Variants in SYCE1 observed in about 807,000 individuals in gnomAD.
The protein encoded by SYCE1 is cancer/testis antigen 76.
SYCE1 carries 37 observed loss-of-function variants against 55.1 expected under a neutral mutation model. The ratio of observed to expected loss-of-function variants is 0.67; its 90% CI spans 0.52 to 0.88. SYCE1 has a LOEUF of 0.88. SYCE1 is among the 40% of genes least tolerant of loss of function. The probability of loss-of-function intolerance (pLI) is 0.00; values close to 1 mark genes in which losing one functional copy is unlikely to be tolerated. For synonymous variants in SYCE1, 163 were observed against 159.4 expected, an observed-to-expected ratio of 1.02 and a Z score of -0.17; for missense variants, 399 against 416.4, an observed-to-expected ratio of 0.96 and a Z score of 0.36.
chr10:133,564,345 C>A (rs1438593723), intron 1 of SYCE1: 1 of 966,852 alleles, frequency 1.0e-6, no homozygotes, highest in Non-Finnish European at 1.2e-6. Flanking sequence ...AGAAATAAGG[C>A]ATTTCTGTTG....
upstream of SYCE1, among the ~76,000 whole-genome samples, chr10:133,566,804 C>T (rs1014980150): frequency 2.1e-5 from 3 of 142,896 alleles, no homozygotes; most frequent in African/African-American, 8.0e-5. Flanking sequence ...TTAGGGTTAG[C>T]ATTAGGAGTT....
upstream of SYCE1, among the ~76,000 whole-genome samples, chr10:133,567,553 G>A (rs1355813842): frequency 6.6e-6 from 1 of 152,002 alleles, no homozygotes; most frequent in African/African-American, 2.4e-5. Context: ...CAGGTGGTTA[G>A]CACCTAACGT....
intron 1 of SYCE1, 79 bp downstream of exon 1, chr10:133,565,378 G>T: frequency 1.5e-6 from 2 of 1,306,056 alleles, no homozygotes; most frequent in Non-Finnish European, 2.0e-6. Flanking sequence ...GGAAGAAGCA[G>T]CCGCCACCCG....
chr10:133,560,409 A>G, intron 1 of SYCE1: 1 of 302,932 alleles, frequency 3.3e-6, no homozygotes. Context: ...GGCTGTTCAA[A>G]GTAAGATCAA....
chr10:133,556,253 G>A (rs551840065), intron 8 of SYCE1: 15 of 610,068 alleles, frequency 2.5e-5, no homozygotes, highest in South Asian at 1.8e-4. Flanking sequence ...ACATCTCTGC[G>A]GTACTGCAGT....
At chr10:133,562,265 G>A (rs12218229) in intron 1 of SYCE1, among the ~76,000 whole-genome samples, 84 of 1,180 alleles carry the variant, frequency 0.071, 2 homozygotes, top group East Asian at 0.28. Context: ...CATCCAATGT[G>A]TGTGTGTGTG....
Position 133,559,366 on chromosome 10 carries a change from C to G in SYCE1, c.137-6G>C, listed in dbSNP as rs11101825. ...TCGGGGCTCTAGGCTTCCCACTGCA[C>G]GGAGGAAAGGAGGTTGAGTTGACAG... is the stretch of plus-strand genomic sequence containing the variant. On this transcript the variant is annotated splice_polypyrimidine_tract_variant and splice_region_variant and intron_variant, in intron 2 of 12. Transcript: ENST00000343131. The G allele has an allele frequency of 0.11, 175,487 of 1,613,004 alleles. 11,045 individuals carry two copies. Among genetic ancestry groups the G allele is most frequent in the East Asian group, 0.27 (11,887 of 44,806 alleles).
intron 4 of SYCE1, 91 bp from the exon 5 acceptor site, chr10:133,558,305 C>T: frequency 2.1e-6 from 3 of 1,447,918 alleles, no homozygotes; most frequent in Non-Finnish European, 2.9e-6. Flanking sequence ...AAGCTGGGCA[C>T]AGCCTTGGCC....
intron 6 of SYCE1, 133 bp downstream of exon 6, chr10:133,557,731 G>C: frequency 5.0e-6 from 5 of 1,005,844 alleles, no homozygotes; most frequent in Non-Finnish European, 7.5e-6. Context: ...GAAGGGGAAA[G>C]ACATTCTTTG....
At chr10:133,561,863 T>C (rs2133626722) in intron 1 of SYCE1, among the ~76,000 whole-genome samples, 1 of 152,256 alleles carries the variant, frequency 6.6e-6, no homozygotes, top group African/African-American at 2.4e-5. Flanking sequence ...TTCCAAATTA[T>C]GTGGAACAAG....
intron 8 of SYCE1, 103 bp downstream of exon 8, chr10:133,556,656 G>C: frequency 8.2e-7 from 1 of 1,219,574 alleles, no homozygotes; most frequent in South Asian, 1.3e-5. Context: ...ACCAGGGCTT[G>C]CTTGGCGACT....
At chr10:133,558,530 G>A in intron 4 of SYCE1, 1 of 534,586 alleles carries the variant, frequency 1.9e-6, no homozygotes, top group Admixed American at 3.2e-5. Flanking sequence ...TGGGGCATGT[G>A]ACCAGATGGA....
chr10:133,561,104 C>T (rs1021743486), intron 1 of SYCE1: 4 of 152,168 alleles, frequency 2.6e-5, no homozygotes, highest in African/African-American at 4.8e-5. Context: ...AAGCATAAAA[C>T]CAACCTGTGC....
At chr10:133,558,827 G>A (rs368450090) in intron 4 of SYCE1, 50 bp downstream of exon 4, 15 of 1,578,118 alleles carry the variant, frequency 9.5e-6, no homozygotes, top group African/African-American at 1.4e-5. Context: ...CAGGGTTAGG[G>A]GAGGCTTAAG....
chr10:133,558,768 G>A, intron 4 of SYCE1, 109 bp downstream of exon 4: 3 of 1,054,510 alleles, frequency 2.8e-6, no homozygotes, highest in South Asian at 1.4e-5. Context: ...TGAGGCTAGA[G>A]AGGGTACAGG....
At chr10:133,566,068 C>T (rs1040975079), upstream of SYCE1, among the ~76,000 whole-genome samples, 2 of 152,246 alleles carry the variant, frequency 1.3e-5, no homozygotes, top group African/African-American at 4.8e-5. Flanking sequence ...CGTAGCCTGC[C>T]CCTAGGCCGC....
At position 133,557,326 on chromosome 10, in the gene SYCE1, T is replaced by C. The variant is rs141965083; in HGVS notation, c.375-170A>G. On this transcript the variant is annotated intron_variant, in intron 6 of 12. Coordinates refer to ENST00000343131, the MANE Select transcript of SYCE1 (RefSeq NM_001143764.3). ...CATGACCATTTGCCCCCTGGAAGTA[T>C]TGTTGTCAGGTTAAGAGAGATTAAT... is the stretch of plus-strand genomic sequence containing the variant. 25 of 641,830 alleles carry C rather than the reference T, an allele frequency of 3.9e-5. 1 individual carries two copies. Among genetic ancestry groups the C allele is most frequent in the South Asian group, 2.6e-4 (14 of 54,184 alleles). 39.8% of individuals were successfully genotyped at this position (641,830 alleles called of 1,614,324 possible).
chr10:133,559,651 G>A, intron 2 of SYCE1: 1 of 452,898 alleles, frequency 2.2e-6, no homozygotes, highest in Non-Finnish European at 4.0e-6. Context: ...AGGGACCTGA[G>A]GGCCCCAAAT....
upstream of SYCE1, chr10:133,567,792 A>G: frequency 2.9e-6 from 1 of 344,720 alleles, no homozygotes; most frequent in Non-Finnish European, 5.8e-6. Context: ...CTGTTGGTAC[A>G]GGAGCCACAG....
Sources: gnomAD v4.1 joint callset for allele counts (sites outside exome capture counted in the v4.1 genomes callset) on GRCh38, gnomAD v4.1.1 for gene constraint, MANE v1.5 for transcripts, NCBI Gene and HGNC (gene_info 2026-07-23, HGNC 2026-07-21) for gene names.